The following CSMD2 variants were observed in gnomAD, a reference collection of about 807,000 sequenced individuals.
CSMD2 encodes CUB and sushi domain-containing protein 2.
CSMD2 carries 130 observed loss-of-function variants against 398.5 expected under a neutral mutation model. The observed-to-expected ratio is 0.33, with a 90% CI of 0.28 to 0.38. The LOEUF (loss-of-function observed/expected upper bound fraction) is 0.38. CSMD2 is among the 10% of genes least tolerant of loss of function. The pLI, the probability that CSMD2 is intolerant of heterozygous loss-of-function variation, is 1.00. For missense variants in CSMD2, 3,829 were observed against 4,764.9 expected, an observed-to-expected ratio of 0.80 and a Z score of 5.78; for synonymous variants, 1,828 against 1,908.5, an observed-to-expected ratio of 0.96 and a Z score of 1.10.
chr1:33,935,336 G>C (rs1433604566), intron 4 of CSMD2, among the ~76,000 whole-genome samples: 1 of 152,132 alleles, frequency 6.6e-6, no homozygotes, highest in African/African-American at 2.4e-5. Context: ...GAAACTATTA[G>C]ATAGGGAGAG....
rs201243690 is a variant in CSMD2, at chr1:33,781,546, C to T, written c.1663+7054G>A. Among the ~76,000 whole-genome samples the T allele has an allele frequency of 1.9e-4, 29 of 152,290 alleles. No individual in the cohort carries two copies. The East Asian group carries it at 5.2e-3, about 27-fold the overall frequency. On this transcript the variant is annotated intron_variant, in intron 12 of 70. Coordinates refer to ENST00000373381, the MANE Select transcript of CSMD2 (RefSeq NM_001281956.2). The stretch of plus-strand genomic sequence containing the variant: ...ATGAGTGCCCTGGACTGTTGGGCAG[C>T]CCCTCTGCATAATCTCTACTGTCCT...
At chr1:33,987,818 C>T (rs771678039) in intron 3 of CSMD2, among the ~76,000 whole-genome samples, 16 of 152,172 alleles carry the variant, frequency 1.1e-4, no homozygotes, top group Non-Finnish European at 1.3e-4. Flanking sequence ...GTAGCACCAC[C>T]ATGCCCCTGT....
chr1:33,829,969 A>G (rs1362192235), intron 6 of CSMD2, among the ~76,000 whole-genome samples: 2 of 152,228 alleles, frequency 1.3e-5, no homozygotes, highest in Non-Finnish European at 2.9e-5. Flanking sequence ...GGCGCCCGCC[A>G]TTGCCCAGGC....
intron 25 of CSMD2, among the ~76,000 whole-genome samples, chr1:33,666,676 C>T (rs953774506): frequency 6.6e-6 from 1 of 152,100 alleles, no homozygotes; most frequent in Non-Finnish European, 1.5e-5. Context: ...AAAACCAGGA[C>T]CTGTGTAAGG....
chr1:33,832,863 C>T (rs1461413210), intron 6 of CSMD2, among the ~76,000 whole-genome samples: 2 of 152,176 alleles, frequency 1.3e-5, no homozygotes, highest in African/African-American at 4.8e-5. Flanking sequence ...TCAGAGAATA[C>T]TACAAACATT....
intron 25 of CSMD2, among the ~76,000 whole-genome samples, chr1:33,683,622 G>A (rs1056578659): frequency 1.3e-5 from 2 of 151,948 alleles, no homozygotes; most frequent in African/African-American, 2.4e-5. Flanking sequence ...AGTGTAGCTC[G>A]GTTAGATTAT....
In CSMD2 at chr1:33,635,145, G is replaced by T. The variant is rs1039619216; in HGVS notation, c.5086+69C>A. The T allele has an allele frequency of 1.1e-6, 1 of 949,778 alleles. No individual in the cohort carries two copies. The highest frequency in any genetic ancestry group is 1.7e-6 in the Non-Finnish European group (1 of 595,224). 58.8% of individuals were successfully genotyped at this position (949,778 alleles called of 1,614,324 possible). ...TGTATATAATTGGGAGGCGTCTGAG[G>T]AATTGCTCATTTTGGAATGAGGGTG... On this transcript the variant is annotated intron_variant, in intron 31 of 70. Transcript: ENST00000373381. This position sits in a 1 kb window ranked among gnomAD's most constrained non-coding sequence, Gnocchi z 5.0.
At chr1:33,527,307 A>G (rs1000913899) in intron 64 of CSMD2, 49 bp from the exon 65 acceptor site, 3 of 1,486,918 alleles carry the variant, frequency 2.0e-6, no homozygotes, top group African/African-American at 2.8e-5. Flanking sequence ...TCTGGTTCAC[A>G]CTCTGTTGGA....
intron 3 of CSMD2, among the ~76,000 whole-genome samples, chr1:33,993,218 G>T (rs950593684): frequency 5.3e-5 from 8 of 152,234 alleles, no homozygotes. Flanking sequence ...TCTGAGAGGG[G>T]AAGGCAGGAG....
At chr1:33,558,182 G>T (rs2148654544) in intron 54 of CSMD2, among the ~76,000 whole-genome samples, 2 of 152,278 alleles carry the variant, frequency 1.3e-5, no homozygotes, top group Middle Eastern at 6.8e-3. Flanking sequence ...AATCGCTATT[G>T]CTGACTTTAC....
chr1:33,625,632 T>C (rs1642072213), intron 33 of CSMD2, among the ~76,000 whole-genome samples: 1 of 152,102 alleles, frequency 6.6e-6, no homozygotes, highest in Non-Finnish European at 1.5e-5. Flanking sequence ...TGTCCTGTTT[T>C]CCCCATGTGC....
chr1:33,739,802 A>G (rs1337827657), intron 14 of CSMD2, among the ~76,000 whole-genome samples: 1 of 152,142 alleles, frequency 6.6e-6, no homozygotes, highest in Non-Finnish European at 1.5e-5. Flanking sequence ...TGTGACGCTA[A>G]TAGACTCTAA....
rs768509269 is a variant in CSMD2 at position 33,524,995 on chromosome 1, T to C, written c.10283A>G (p.Glu3428Gly). ...AKNSLWKGAY[E>G]YQGKKQPAML... Reference sequence around the variant, plus strand: ...GGCTGGCTGCTTCTTCCCCTGGTATTCATAGGCCCCTTTCCACAGGGAATT... The same window carrying C: ...GGCTGGCTGCTTCTTCCCCTGGTATCCATAGGCCCCTTTCCACAGGGAATT... The change falls in exon 66 of 71, where the codon GAA becomes GGA. Residue 3428 changes from glutamate (E) to glycine (G), a missense_variant. By Grantham distance (98) the Glu-to-Gly change is moderately conservative. Around this residue, in one of 5 missense-constraint regions of CSMD2, gnomAD observed 917 missense variants for 1,199.5 expected, o/e 0.76. Coordinates refer to ENST00000373381, the MANE Select transcript of CSMD2 (RefSeq NM_001281956.2). 21 of 1,614,136 alleles carry C rather than the reference T, an allele frequency of 1.3e-5. No individual in the cohort carries two copies. The highest frequency in any genetic ancestry group is 1.7e-5 in the Non-Finnish European group (20 of 1,180,046).
chr1:34,112,625 G>A (rs182186170), intron 1 of CSMD2, among the ~76,000 whole-genome samples: 7 of 152,284 alleles, frequency 4.6e-5, no homozygotes, highest in African/African-American at 1.7e-4. Context: ...GGTCATATGG[G>A]CAGCCTTGAG....
At chr1:33,750,251 A>G (rs1477530660) in intron 13 of CSMD2, among the ~76,000 whole-genome samples, 1 of 152,158 alleles carries the variant, frequency 6.6e-6, no homozygotes, top group Non-Finnish European at 1.5e-5. Flanking sequence ...TGCAAGATCC[A>G]TCTGTTGGTA....
intron 1 of CSMD2, among the ~76,000 whole-genome samples, chr1:34,104,867 C>G (rs763485484): frequency 1.3e-5 from 2 of 152,202 alleles, no homozygotes; most frequent in Non-Finnish European, 2.9e-5. Context: ...TTTAGCCCCT[C>G]TCCCCTGCAC....
intron 6 of CSMD2, among the ~76,000 whole-genome samples, chr1:33,835,572 C>A (rs1461159037): frequency 4.1e-5 from 5 of 122,676 alleles, no homozygotes; most frequent in Non-Finnish European, 6.6e-5. Flanking sequence ...TTAGTGGGTG[C>A]AGCACACCAG....
At chr1:33,802,398 G>A (rs555915178) in intron 10 of CSMD2, among the ~76,000 whole-genome samples, 2 of 152,296 alleles carry the variant, frequency 1.3e-5, no homozygotes, top group South Asian at 4.1e-4. Flanking sequence ...CAGTGCAGAG[G>A]CGCACAGCCC....
At position 33,540,636 on chromosome 1, in the gene CSMD2, A is replaced by C; in HGVS notation, c.9520T>G (p.Trp3174Gly). 2 of 1,614,200 alleles carry C rather than the reference A, an allele frequency of 1.2e-6. No homozygotes were observed. The highest frequency in any genetic ancestry group is 1.7e-6 in the Non-Finnish European group (2 of 1,180,036). The change falls in exon 60 of 71, where the codon TGG (tryptophan) becomes GGG (glycine). Residue 3174 changes from tryptophan (W) to glycine (G), a missense_variant. Around this residue, in one of 5 missense-constraint regions of CSMD2, gnomAD observed 917 missense variants for 1,199.5 expected, o/e 0.76. Coordinates refer to ENST00000373381, the MANE Select transcript of CSMD2 (RefSeq NM_001281956.2). ...NGKVVGSDFMWGSSVTYACLE... is the reference protein window; with the variant it reads ...NGKVVGSDFMGGSSVTYACLE... Reference sequence around the variant, plus strand: ...CAGGCATAAGTCACACTTGAGCCCCACATGAAGTCAGACCCCACCACCTTC... The same window carrying C: ...CAGGCATAAGTCACACTTGAGCCCCCCATGAAGTCAGACCCCACCACCTTC...
Sources: gnomAD v4.1 joint callset for allele counts (sites outside exome capture counted in the v4.1 genomes callset) on GRCh38, gnomAD v4.1.1 for gene constraint, gnomAD v4.1.1 regional missense constraint, Gnocchi (gnomAD v3.1) non-coding constraint, MANE v1.5 for transcripts, NCBI Gene and HGNC (gene_info 2026-07-23, HGNC 2026-07-21) for gene names.